Variants in PREP observed in about 807,000 individuals in gnomAD.
The protein encoded by PREP is prolyl endopeptidase.
A neutral mutation model predicts 87.6 loss-of-function variants in PREP; 29 were observed. That is an observed-to-expected ratio of 0.33 (90% CI 0.25 to 0.45). PREP has a LOEUF of 0.45. Among genes scored for constraint, PREP ranks in the 20% least tolerant of loss-of-function variants. The pLI, the probability that PREP is intolerant of heterozygous loss-of-function variation, is 1.00. For missense variants in PREP, 695 were observed against 886.5 expected (o/e 0.78, Z 2.74); for synonymous variants, 337 against 328.6 (o/e 1.03, Z -0.28).
intron 2 of PREP, among the ~76,000 whole-genome samples, chr6:105,381,712 A>G (rs1038710908): frequency 6.6e-6 from 1 of 152,230 alleles, no homozygotes; most frequent in African/African-American, 2.4e-5. Flanking sequence ...AAGAAATCTT[A>G]CTTATATCTC....
intron 9 of PREP, among the ~76,000 whole-genome samples, chr6:105,325,434 T>C (rs1771128627): frequency 3.3e-5 from 5 of 152,202 alleles, no homozygotes; most frequent in Admixed American, 3.3e-4. Context: ...GTAGGAAATA[T>C]ACTCTAAATG....
chr6:105,306,157 T>C (rs1291894365), intron 10 of PREP, among the ~76,000 whole-genome samples: 1 of 135,980 alleles, frequency 7.4e-6, no homozygotes, highest in Non-Finnish European at 1.7e-5. Context: ...ATATACCTTT[T>C]TATTATCACC....
chr6:105,377,386 C>T lies in PREP; in HGVS notation c.254G>A (p.Arg85Gln), dbSNP rs372844544. The T allele has an allele frequency of 6.3e-6, 10 of 1,599,646 alleles. No homozygotes were observed. Among genetic ancestry groups the T allele is most frequent in the African/African-American group, 2.7e-5 (2 of 74,132 alleles). ...KYSCHFKKGK[R>Q]YFYFYNTGLQ... ...GGAAATTCAGTAAAAGCAGTCTCACCGTTTTCCTTTCTTGAAGTGGCAACT... is the reference window on the plus strand; with the variant it reads ...GGAAATTCAGTAAAAGCAGTCTCACTGTTTTCCTTTCTTGAAGTGGCAACT... The change falls in exon 3 of 15, where the codon CGG (arginine) becomes CAG (glutamine). Residue 85 changes from arginine to glutamine, a missense_variant and splice_region_variant. Transcript: ENST00000652536.
At chr6:105,392,737 C>T (rs1029766460) in intron 2 of PREP, among the ~76,000 whole-genome samples, 6 of 152,272 alleles carry the variant, frequency 3.9e-5, no homozygotes, top group East Asian at 1.9e-4. Context: ...CCGCCATGCA[C>T]GGCTAATTTT....
chr6:105,339,195 A>C (rs1487677792), intron 7 of PREP, among the ~76,000 whole-genome samples: 1 of 152,184 alleles, frequency 6.6e-6, no homozygotes, highest in East Asian at 1.9e-4. Flanking sequence ...CTTCCAGAGG[A>C]AGGATCAGGC....
In PREP at chr6:105,376,173, A is replaced by G; in HGVS notation, c.337T>C (p.Phe113Leu). The G allele has an allele frequency of 6.2e-7, 1 of 1,613,930 alleles. No individual in the cohort carries two copies. The highest frequency in any genetic ancestry group is 8.5e-7 in the Non-Finnish European group (1 of 1,179,874). ...TCAGACAGTATGTTGGGGTCCAGGAACACTCTGGCCTCACCCTCTAAGGAA... is the reference window on the plus strand; with the variant it reads ...TCAGACAGTATGTTGGGGTCCAGGAGCACTCTGGCCTCACCCTCTAAGGAA... ...QDSLEGEARV[F>L]LDPNILSDDG... Residue 113 changes from phenylalanine to leucine, a missense_variant, in exon 4 of 15, where the codon TTC becomes CTC. By Grantham distance (22) the Phe-to-Leu change is conservative. Around this residue, in one of 5 missense-constraint regions of PREP, gnomAD observed 517 missense variants for 620.3 expected, o/e 0.83. Coordinates refer to ENST00000652536, the MANE Select transcript of PREP (RefSeq NM_002726.5).
In PREP at chr6:105,285,496, C is replaced by A. The variant is rs372854817; in HGVS notation, c.1539G>T (p.Thr513=). Residue 513 remains threonine, a synonymous_variant, in exon 12 of 15, where the codon ACG becomes ACT. Coordinates refer to ENST00000652536, the MANE Select transcript of PREP (RefSeq NM_002726.5). ...GAGAAAACACCTCACCTTTATGCCA[C>A]GTCTCTCCATATTCGCCACCTCCTC... is the stretch of plus-strand genomic sequence containing the variant. ...NIRGGGEYGE[T]WHKGGILANK... 8.1e-6 allele frequency: 13 copies of A among 1,613,034 alleles called. No individual in the cohort carries two copies. In the South Asian group the frequency reaches 1.4e-4, roughly 18 times the overall value.
At chr6:105,343,199 A>G (rs1771706753) in intron 7 of PREP, among the ~76,000 whole-genome samples, 1 of 152,250 alleles carries the variant, frequency 6.6e-6, no homozygotes, top group Non-Finnish European at 1.5e-5. Context: ...ATGGAACAGA[A>G]CAGAGCCCTC....
intron 10 of PREP, among the ~76,000 whole-genome samples, chr6:105,310,138 A>T (rs1042519148): frequency 6.6e-6 from 1 of 152,222 alleles, no homozygotes; most frequent in Non-Finnish European, 1.5e-5. Context: ...GAAGAGAGAG[A>T]GTGGGAAGAT....
At position 105,284,640 on chromosome 6, in the gene PREP, G is replaced by A. The variant is rs138617726; in HGVS notation, c.1549+846C>T. On this transcript the variant is annotated intron_variant, in intron 12 of 14. Transcript: ENST00000652536. The stretch of plus-strand genomic sequence containing the variant: ...GGGGAAGCATAGAGCTGATGGAGGT[G>A]AAGGTGCTTTCCCATGTCCTCCCTC... 2.4e-3 allele frequency among the ~76,000 whole-genome samples: 368 copies of A among 152,284 alleles called. 1 individual carries two copies. The highest frequency in any genetic ancestry group is 8.2e-3 in the African/African-American group (342 of 41,552).
intron 2 of PREP, among the ~76,000 whole-genome samples, chr6:105,392,014 ATTGG>A (rs1773161888): frequency 6.7e-6 from 1 of 148,878 alleles, no homozygotes; most frequent in Non-Finnish European, 1.5e-5. Flanking sequence ...TGGGCTGATT[ATTGG>A]GACCTACTTA....
intron 10 of PREP, chr6:105,302,322 A>G (rs1770553212): frequency 1.1e-5 from 2 of 177,076 alleles, no homozygotes; most frequent in Admixed American, 6.2e-5. Flanking sequence ...TGAGTCCATC[A>G]TCAGAGGGTT....
chr6:105,372,810 G>A (rs528525881), intron 5 of PREP, among the ~76,000 whole-genome samples: 2 of 152,312 alleles, frequency 1.3e-5, no homozygotes, highest in African/African-American at 4.8e-5. Flanking sequence ...ACATCTATAA[G>A]GGACTGATTG....
chr6:105,309,919 T>C (rs894391746), intron 10 of PREP, among the ~76,000 whole-genome samples: 2 of 152,242 alleles, frequency 1.3e-5, no homozygotes, highest in Non-Finnish European at 2.9e-5. Context: ...TGAACTCATA[T>C]GCCCCATGCA....
chr6:105,381,229 T>C (rs1209908733), intron 2 of PREP, among the ~76,000 whole-genome samples: 3 of 152,230 alleles, frequency 2.0e-5, no homozygotes, highest in Admixed American at 6.5e-5. Flanking sequence ...TCTCAAGTTT[T>C]TTCATAACAC....
At chr6:105,315,497 A>AG (rs1170544383) in intron 10 of PREP, among the ~76,000 whole-genome samples, 3 of 152,184 alleles carry the variant, frequency 2.0e-5, no homozygotes, top group African/African-American at 7.2e-5. Flanking sequence ...TAAGGGCCCT[A>AG]GGATTTTAAG....
At chr6:105,356,317 G>C (rs960146285) in intron 6 of PREP, among the ~76,000 whole-genome samples, 1 of 152,144 alleles carries the variant, frequency 6.6e-6, no homozygotes, top group African/African-American at 2.4e-5. Flanking sequence ...TACCCTGGGT[G>C]TTCACAAAGT....
rs1233849337 is a variant in PREP at position 105,308,719 on chromosome 6, C to CT, written c.1317+14945dup. The stretch of plus-strand genomic sequence containing the variant: ...GGCAACAACCAGATCATTTCAGACT[C>CT]TATCTATCACAACCACTTTCAATCG... On this transcript the variant is annotated intron_variant, in intron 10 of 14. Coordinates refer to ENST00000652536, the MANE Select transcript of PREP (RefSeq NM_002726.5). 1.4e-4 allele frequency among the ~76,000 whole-genome samples: 22 copies of CT among 152,240 alleles called. 1 individual carries two copies. The highest frequency in any genetic ancestry group is 3.4e-3 in the Middle Eastern group (1 of 294).
At chr6:105,294,466 A>G (rs945602721) in intron 10 of PREP, among the ~76,000 whole-genome samples, 1 of 152,206 alleles carries the variant, frequency 6.6e-6, no homozygotes, top group Admixed American at 6.5e-5. Flanking sequence ...TGACTGTAAC[A>G]GTGAAACCTG....
Sources: allele counts gnomAD v4.1 joint callset (sites outside exome capture counted in the v4.1 genomes callset), GRCh38; gene constraint gnomAD v4.1.1; regional missense constraint gnomAD v4.1.1; transcripts MANE v1.5; gene names NCBI Gene and HGNC (gene_info 2026-07-23, HGNC 2026-07-21).